Variants in MAP4K3 observed in about 807,000 individuals in gnomAD.
The protein encoded by MAP4K3 is mitogen-activated protein kinase kinase kinase kinase 3.
A neutral mutation model predicts 143.5 loss-of-function variants in MAP4K3; 94 were observed. That is an observed-to-expected ratio of 0.65 (90% CI 0.55 to 0.78). The LOEUF is 0.78. Ranked by LOEUF, MAP4K3 falls within the 30% of genes least tolerant of loss-of-function variation. The pLI is 0.00. For synonymous variants in MAP4K3, 416 were observed against 347.2 expected, an observed-to-expected ratio of 1.20 and a Z score of -2.20; for missense variants, 1,077 against 1,068.1, an observed-to-expected ratio of 1.01 and a Z score of -0.12.
At chr2:39,369,205 G>GTTT (rs68013609) in intron 2 of MAP4K3, among the ~76,000 whole-genome samples, 3 of 125,368 alleles carry the variant, frequency 2.4e-5, no homozygotes, top group African/African-American at 9.5e-5. Context: ...TTTTTTTTTT[G>GTTT]TTTTTTTTGA....
At chr2:39,351,144 C>T (rs1327377819) in intron 3 of MAP4K3, among the ~76,000 whole-genome samples, 3 of 152,064 alleles carry the variant, frequency 2.0e-5, no homozygotes, top group South Asian at 2.1e-4. Context: ...ACTGGGGTTC[C>T]GGAACCAATC....
chr2:39,302,436 C>A (rs182439882), intron 15 of MAP4K3, among the ~76,000 whole-genome samples: 1 of 152,056 alleles, frequency 6.6e-6, no homozygotes, highest in Admixed American at 6.5e-5. Flanking sequence ...GGAATTCATA[C>A]AGAAAATCGG....
intron 26 of MAP4K3, among the ~76,000 whole-genome samples, chr2:39,268,638 T>TTTCTA (rs1680880347): frequency 9.0e-6 from 1 of 111,208 alleles, no homozygotes; most frequent in South Asian, 3.4e-4. Flanking sequence ...TTTTCTATTT[T>TTTCTA]TTTTTTTTTT....
intron 28 of MAP4K3, among the ~76,000 whole-genome samples, chr2:39,262,015 C>G (rs1680588518): frequency 6.6e-6 from 1 of 151,728 alleles, no homozygotes; most frequent in Non-Finnish European, 1.5e-5. Flanking sequence ...AAAAAAATAC[C>G]ACTCTCATGC....
chr2:39,304,159 T>G (rs1366524990), intron 15 of MAP4K3, among the ~76,000 whole-genome samples: 1 of 152,084 alleles, frequency 6.6e-6, no homozygotes, highest in Admixed American at 6.5e-5. Flanking sequence ...TTTTTTTTTT[T>G]TTTTTGAGAG....
chr2:39,359,077 T>C (rs1437457219), intron 2 of MAP4K3, among the ~76,000 whole-genome samples: 1 of 152,142 alleles, frequency 6.6e-6, no homozygotes, highest in African/African-American at 2.4e-5. Context: ...ACAAGGCAAG[T>C]CCCTTCTACC....
At chr2:39,409,611 A>G (rs533812176) in intron 1 of MAP4K3, among the ~76,000 whole-genome samples, 2 of 152,330 alleles carry the variant, frequency 1.3e-5, no homozygotes, top group African/African-American at 2.4e-5. Flanking sequence ...CAGTTTGTAA[A>G]TTTCTCCAGA....
chr2:39,348,278 TCC>T (rs1207120334), intron 3 of MAP4K3, among the ~76,000 whole-genome samples: 2 of 152,064 alleles, frequency 1.3e-5, no homozygotes, highest in Non-Finnish European at 2.9e-5. Context: ...TCTCTTTTCT[TCC>T]TTTGCTTAAA....
chr2:39,296,156 A>C (rs533706913), intron 16 of MAP4K3, among the ~76,000 whole-genome samples: 8 of 152,374 alleles, frequency 5.3e-5, no homozygotes, highest in Admixed American at 3.9e-4. Context: ...TCATTTACCT[A>C]TAAATCCCCA....
rs560515611 is a variant in MAP4K3, at chr2:39,249,862, C to A, written c.*756G>T. ...TTGTTTTTAAGCAAAGACAAGCAAT[C>A]TTACAGGATTCTGCTTAAATATAAA... On this transcript the variant is annotated 3_prime_UTR_variant, in exon 34 of 34. Transcript: ENST00000263881. 3.9e-5 allele frequency: 6 copies of A among 152,484 alleles called. No homozygotes were observed. The highest frequency in any genetic ancestry group is 5.9e-5 in the Non-Finnish European group (4 of 68,012). The allele number at this position is 152,484 out of a possible 1,614,324, so 9.4% of individuals were successfully genotyped here. A position where few individuals can be genotyped will look rare whatever the true frequency, so the allele number is the denominator to read the frequency against.
intron 1 of MAP4K3, among the ~76,000 whole-genome samples, chr2:39,435,539 T>C (rs932458195): frequency 6.6e-6 from 1 of 152,200 alleles, no homozygotes; most frequent in Admixed American, 6.5e-5. Flanking sequence ...GAGCGTCTGA[T>C]ACCCTAAACA....
At chr2:39,400,890 A>G (rs367773657) in intron 1 of MAP4K3, among the ~76,000 whole-genome samples, 1 of 152,296 alleles carries the variant, frequency 6.6e-6, no homozygotes, top group East Asian at 1.9e-4. Flanking sequence ...AAAACATATA[A>G]CACTTAGTCT....
intron 24 of MAP4K3, among the ~76,000 whole-genome samples, chr2:39,275,569 C>T (rs1173979772): frequency 6.6e-6 from 1 of 152,156 alleles, no homozygotes; most frequent in African/African-American, 2.4e-5. Context: ...TTATTCCTTA[C>T]AATTAATATT....
chr2:39,282,069 C>G (rs1436102409), intron 22 of MAP4K3, among the ~76,000 whole-genome samples: 2 of 151,790 alleles, frequency 1.3e-5, no homozygotes, highest in East Asian at 3.9e-4. Flanking sequence ...GTGGCAGGCA[C>G]CTATAGTCCC....
intron 21 of MAP4K3, among the ~76,000 whole-genome samples, chr2:39,284,092 T>C (rs967656210): frequency 6.6e-6 from 1 of 152,222 alleles, no homozygotes; most frequent in African/African-American, 2.4e-5. Flanking sequence ...AAATAATATA[T>C]ATTTTTTCTT....
chr2:39,414,493 G>A (rs542062293), intron 1 of MAP4K3, among the ~76,000 whole-genome samples: 150 of 151,888 alleles, frequency 9.9e-4, no homozygotes, highest in Non-Finnish European at 1.8e-3. Flanking sequence ...TTGAGAAATG[G>A]CCCCCACATT....
chr2:39,382,652 G>C (rs891811476), intron 1 of MAP4K3, among the ~76,000 whole-genome samples: 2 of 152,010 alleles, frequency 1.3e-5, no homozygotes. Context: ...ATCATATAAA[G>C]AGTTTAAATA....
intron 27 of MAP4K3, among the ~76,000 whole-genome samples, chr2:39,266,014 T>C (rs1194078670): frequency 1.3e-5 from 2 of 152,150 alleles, no homozygotes; most frequent in Non-Finnish European, 2.9e-5. Flanking sequence ...ATTTGAAATA[T>C]TTAAATGGCA....
chr2:39,355,065 T>C (rs543795522), intron 3 of MAP4K3, among the ~76,000 whole-genome samples: 31 of 152,094 alleles, frequency 2.0e-4, no homozygotes, highest in Non-Finnish European at 4.3e-4. Context: ...CCCGTCTCTA[T>C]AAAAAATACA....
Sources: gnomAD v4.1 joint callset for allele counts (sites outside exome capture counted in the v4.1 genomes callset) on GRCh38, gnomAD v4.1.1 for gene constraint, MANE v1.5 for transcripts, NCBI Gene and HGNC (gene_info 2026-07-23, HGNC 2026-07-21) for gene names.